PXDNL: variants seen among roughly 807,000 people sequenced by gnomAD.
PXDNL encodes peroxidasin like.
A neutral mutation model predicts 150.8 loss-of-function variants in PXDNL; 145 were observed. The observed-to-expected ratio is 0.96, with a 90% CI of 0.84 to 1.10. PXDNL has a LOEUF of 1.10. Among genes scored for constraint, PXDNL ranks in the 50% least tolerant of loss-of-function variants. PXDNL has a pLI of 0.00. For synonymous variants in PXDNL, 757 were observed against 725.7 expected (o/e 1.04, Z -0.69); for missense variants, 2,087 against 1,873.9 (o/e 1.11, Z -2.10).
At chr8:51,459,619 T>C (rs963132131) in intron 8 of PXDNL, among the ~76,000 whole-genome samples, 1 of 152,212 alleles carries the variant, frequency 6.6e-6, no homozygotes, top group African/African-American at 2.4e-5. Flanking sequence ...CTCTTCGTTA[T>C]GCTCATAAAA....
intron 4 of PXDNL, among the ~76,000 whole-genome samples, chr8:51,554,460 C>G (rs34545458): frequency 0.069 from 10,522 of 152,118 alleles, 456 homozygotes; most frequent in South Asian, 0.1. Flanking sequence ...TTTTTTTGTT[C>G]TTTACTTGGC....
intron 2 of PXDNL, among the ~76,000 whole-genome samples, chr8:51,641,878 A>T (rs1432875137): frequency 1.3e-5 from 2 of 152,176 alleles, no homozygotes; most frequent in African/African-American, 2.4e-5. Context: ...AGGACTATAA[A>T]TCATGCTGCT....
intron 1 of PXDNL, among the ~76,000 whole-genome samples, chr8:51,706,288 C>T: frequency 6.6e-6 from 1 of 151,894 alleles, no homozygotes; most frequent in East Asian, 1.9e-4. Flanking sequence ...CCACTGCACT[C>T]CAGGCTGGGT....
intron 17 of PXDNL, among the ~76,000 whole-genome samples, chr8:51,396,520 G>T (rs1328425570): frequency 6.6e-6 from 1 of 152,356 alleles, no homozygotes; most frequent in African/African-American, 2.4e-5. Flanking sequence ...ACTTTGGGAG[G>T]CCAAGGCAGG....
At chr8:51,451,450 C>A (rs1809807227) in intron 10 of PXDNL, among the ~76,000 whole-genome samples, 1 of 152,138 alleles carries the variant, frequency 6.6e-6, no homozygotes, top group African/African-American at 2.4e-5. Context: ...AAAATGATGG[C>A]CTTCTGAGTC....
intron 1 of PXDNL, among the ~76,000 whole-genome samples, chr8:51,684,791 G>A (rs1815836845): frequency 6.6e-6 from 1 of 152,188 alleles, no homozygotes; most frequent in South Asian, 2.1e-4. Context: ...GAAGAGAGCA[G>A]TGGGCAGTCA....
At chr8:51,345,374 A>G (rs957240105) in intron 20 of PXDNL, among the ~76,000 whole-genome samples, 4 of 152,166 alleles carry the variant, frequency 2.6e-5, no homozygotes, top group Non-Finnish European at 5.9e-5. Context: ...ACATTTCTCA[A>G]TTTTCTAAGA....
chr8:51,553,437 C>T (rs1812533799), intron 4 of PXDNL, among the ~76,000 whole-genome samples: 1 of 152,202 alleles, frequency 6.6e-6, no homozygotes, highest in Non-Finnish European at 1.5e-5. Context: ...TTTTTGACCC[C>T]ATAGCCCACT....
At chr8:51,374,038 A>C (rs753323286) in intron 18 of PXDNL, among the ~76,000 whole-genome samples, 5 of 152,236 alleles carry the variant, frequency 3.3e-5, no homozygotes. Flanking sequence ...CAAACCAAGA[A>C]ATTTTAGAGA....
At chr8:51,673,883 T>A (rs1815553250) in intron 1 of PXDNL, among the ~76,000 whole-genome samples, 1 of 152,178 alleles carries the variant, frequency 6.6e-6, no homozygotes, top group African/African-American at 2.4e-5. Flanking sequence ...TTTTCATATG[T>A]AATTAAGGCA....
At chr8:51,766,646 G>A (rs1178614430) in intron 1 of PXDNL, among the ~76,000 whole-genome samples, 1 of 152,080 alleles carries the variant, frequency 6.6e-6, no homozygotes, top group Non-Finnish European at 1.5e-5. Context: ...TACGCTTTGA[G>A]TATGTCATCC....
At chr8:51,418,365 T>C (rs1303576040) in intron 14 of PXDNL, among the ~76,000 whole-genome samples, 1 of 152,186 alleles carries the variant, frequency 6.6e-6, no homozygotes, top group East Asian at 1.9e-4. Flanking sequence ...TGTAGTAAAA[T>C]AGCAATTTAA....
intron 3 of PXDNL, among the ~76,000 whole-genome samples, chr8:51,560,751 CA>C (rs1333495146): frequency 6.6e-6 from 1 of 151,722 alleles, no homozygotes; most frequent in African/African-American, 2.4e-5. Flanking sequence ...ACACCAAAAG[CA>C]AAGGCAACAA....
chr8:51,501,976 T>C (rs145907704), intron 4 of PXDNL, among the ~76,000 whole-genome samples: 1 of 152,336 alleles, frequency 6.6e-6, no homozygotes, highest in African/African-American at 2.4e-5. Context: ...AATCTCTGTG[T>C]ATACTGGACA....
chr8:51,769,206 T>A (rs76746661), intron 1 of PXDNL, among the ~76,000 whole-genome samples: 27,244 of 152,184 alleles, frequency 0.18, 2,845 homozygotes, highest in Non-Finnish European at 0.22. Flanking sequence ...GTTTACTATG[T>A]GCCCAGCAGT....
intron 16 of PXDNL, among the ~76,000 whole-genome samples, chr8:51,411,001 G>T (rs1255823571): frequency 6.6e-6 from 1 of 152,128 alleles, no homozygotes; most frequent in Non-Finnish European, 1.5e-5. Context: ...CTTAATGTAG[G>T]TTCCCTAGAT....
intron 2 of PXDNL, among the ~76,000 whole-genome samples, chr8:51,609,004 A>G (rs1487199581): frequency 6.6e-6 from 1 of 152,144 alleles, no homozygotes; most frequent in African/African-American, 2.4e-5. Flanking sequence ...CAACTCTATC[A>G]GGATTAAGTG....
chr8:51,593,755 C>A (rs1214994407), intron 2 of PXDNL, among the ~76,000 whole-genome samples: 1 of 152,172 alleles, frequency 6.6e-6, no homozygotes, highest in Admixed American at 6.5e-5. Context: ...ACCTATGGCA[C>A]CAGAGCCATT....
chr8:51,456,790 A>G (rs906082784), intron 9 of PXDNL, among the ~76,000 whole-genome samples: 1 of 152,332 alleles, frequency 6.6e-6, no homozygotes, highest in Admixed American at 6.5e-5. Flanking sequence ...GATTATTTAT[A>G]GAACAGATAC....
Sources: gnomAD v4.1 joint callset for allele counts (sites outside exome capture counted in the v4.1 genomes callset) on GRCh38, gnomAD v4.1.1 for gene constraint, MANE v1.5 for transcripts, NCBI Gene and HGNC (gene_info 2026-07-23, HGNC 2026-07-21) for gene names.